ZC3H6: variants seen among roughly 807,000 people sequenced by gnomAD.
The protein encoded by ZC3H6 is zinc finger CCCH-type containing 6, also known as zinc finger CCCH domain-containing protein 6.
Under a neutral mutation model 107.7 loss-of-function variants are expected in ZC3H6, and 40 were observed. That is an observed-to-expected ratio of 0.37 (90% CI 0.29 to 0.48). The LOEUF (loss-of-function observed/expected upper bound fraction) is 0.48, where lower values mean the gene tolerates loss of function less well. Among genes scored for constraint, ZC3H6 ranks in the 20% least tolerant of loss-of-function variants. The probability of loss-of-function intolerance (pLI) is 0.98; values close to 1 mark genes in which losing one functional copy is unlikely to be tolerated. For synonymous variants in ZC3H6, 493 were observed against 487.9 expected, an observed-to-expected ratio of 1.01 and a Z score of -0.14; for missense variants, 1,267 against 1,410.4, an observed-to-expected ratio of 0.90 and a Z score of 1.63.
At chr2:112,282,007 CAG>C (rs772244032) in intron 1 of ZC3H6, among the ~76,000 whole-genome samples, 1 of 152,126 alleles carries the variant, frequency 6.6e-6, no homozygotes, top group Non-Finnish European at 1.5e-5. Context: ...TTTTGCCTGA[CAG>C]AATATCTTAA....
chr2:112,304,639 G>C (rs979347572), intron 3 of ZC3H6, among the ~76,000 whole-genome samples: 2 of 152,014 alleles, frequency 1.3e-5, no homozygotes, highest in South Asian at 2.1e-4. Flanking sequence ...CTCTTTAAAG[G>C]CCCTATCTCC....
At chr2:112,298,666 G>A (rs1485590505) in intron 1 of ZC3H6, among the ~76,000 whole-genome samples, 1 of 152,164 alleles carries the variant, frequency 6.6e-6, no homozygotes, top group Non-Finnish European at 1.5e-5. Context: ...AGCTCTATGT[G>A]AATTATTTAT....
rs1676806127 is a variant in ZC3H6 at position 112,321,799 on chromosome 2, C to T, written c.1020C>T (p.Tyr340=). Residue 340 remains tyrosine, a synonymous_variant, in exon 8 of 12, where the codon TAC becomes TAT. Coordinates refer to ENST00000409871, the MANE Select transcript of ZC3H6 (RefSeq NM_198581.3). ...TCTATCATAGTGGAGCAAAATGTTA[C>T]CAGGGAGACAACTGTAAATTTTCCC... ...CKFYHSGAKC[Y]QGDNCKFSHD... 1.3e-6 allele frequency: 2 copies of T among 1,548,902 alleles called. No homozygotes were observed. The highest frequency in any genetic ancestry group is 8.7e-7 in the Non-Finnish European group (1 of 1,146,478).
At chr2:112,276,271 C>A (rs961265977) in intron 1 of ZC3H6, among the ~76,000 whole-genome samples, 1 of 149,020 alleles carries the variant, frequency 6.7e-6, no homozygotes, top group African/African-American at 2.4e-5. Flanking sequence ...CGGCCGGGCA[C>A]GTGCGAGCCC....
intron 11 of ZC3H6, among the ~76,000 whole-genome samples, chr2:112,326,872 C>CA (rs1380189817): frequency 6.6e-6 from 1 of 152,126 alleles, no homozygotes. Flanking sequence ...CTCGGCCTCC[C>CA]AAAGTGCTGG....
chr2:112,287,495 T>A (rs1202165073), intron 1 of ZC3H6, among the ~76,000 whole-genome samples: 1 of 152,242 alleles, frequency 6.6e-6, no homozygotes, highest in Non-Finnish European at 1.5e-5. Flanking sequence ...ATTTAAAAAT[T>A]CTTAATTTTC....
At chr2:112,317,494 G>A (rs1239888600) in intron 7 of ZC3H6, among the ~76,000 whole-genome samples, 162 bp downstream of exon 7, 1 of 152,070 alleles carries the variant, frequency 6.6e-6, no homozygotes, top group Non-Finnish European at 1.5e-5. Context: ...TACTTCAAAA[G>A]AGCAAACTGA....
chr2:112,332,674 T>G lies in ZC3H6; in HGVS notation c.*186T>G. The G allele has an allele frequency of 2.1e-6, 1 of 472,326 alleles. No individual in the cohort carries two copies. The highest frequency in any genetic ancestry group is 3.6e-5 in the East Asian group (1 of 27,994). 29.3% of individuals were successfully genotyped at this position (472,326 alleles called of 1,614,324 possible). A position where few individuals can be genotyped will look rare whatever the true frequency, so the allele number is the denominator to read the frequency against. On this transcript the variant is annotated 3_prime_UTR_variant, in exon 12 of 12. Transcript: ENST00000409871. ...GTATTTTATATAATATTTTTATAACTTTAAGAGACTGTAGTAATTGACCTA... is the reference window on the plus strand; with the variant it reads ...GTATTTTATATAATATTTTTATAACGTTAAGAGACTGTAGTAATTGACCTA...
chr2:112,298,004 A>G (rs1262325679), intron 1 of ZC3H6, among the ~76,000 whole-genome samples: 5 of 152,032 alleles, frequency 3.3e-5, no homozygotes, highest in Non-Finnish European at 5.9e-5. Flanking sequence ...AATCCCAGCT[A>G]CTCGGAGGCT....
intron 1 of ZC3H6, 140 bp downstream of exon 1, chr2:112,276,166 T>G (rs891052810): frequency 1.7e-6 from 1 of 600,494 alleles, no homozygotes; most frequent in Non-Finnish European, 2.6e-6. Flanking sequence ...CGCACTCTTA[T>G]GTAAACTGCT....
intron 7 of ZC3H6, among the ~76,000 whole-genome samples, chr2:112,319,109 CT>C (rs1376380657): frequency 6.6e-6 from 1 of 152,086 alleles, no homozygotes; most frequent in Non-Finnish European, 1.5e-5. Flanking sequence ...TAAAAACATA[CT>C]TTTTTAAAAG....
At position 112,331,105 on chromosome 2, in the gene ZC3H6, T is replaced by G; in HGVS notation, c.2187T>G (p.Asn729Lys). Residue 729 changes from asparagine to lysine, a missense_variant, in exon 12 of 12, where the codon AAT (asparagine) becomes AAG (lysine). Around this residue, in one of 3 missense-constraint regions of ZC3H6, gnomAD observed 925 missense variants for 1,025.7 expected, o/e 0.90. Coordinates refer to ENST00000409871, the MANE Select transcript of ZC3H6 (RefSeq NM_198581.3). Reference sequence around the variant, plus strand: ...AGAAACAAACAGAAACTTTAAGGAATCAGCAACAACCTTCCACAGAACTCA... The same window carrying G: ...AGAAACAAACAGAAACTTTAAGGAAGCAGCAACAACCTTCCACAGAACTCA... Reference protein sequence around the residue: ...TLQKQTETLRNQQQPSTELST... With the variant: ...TLQKQTETLRKQQQPSTELST... The G allele has an allele frequency of 1.9e-6, 3 of 1,612,154 alleles. No individual in the cohort carries two copies. The highest frequency in any genetic ancestry group is 2.5e-6 in the Non-Finnish European group (3 of 1,179,142).
intron 1 of ZC3H6, among the ~76,000 whole-genome samples, chr2:112,291,955 C>T (rs1398099173): frequency 6.6e-6 from 1 of 152,112 alleles, no homozygotes; most frequent in Non-Finnish European, 1.5e-5. Flanking sequence ...TGACCTGAAG[C>T]GATCTGCCTG....
intron 1 of ZC3H6, among the ~76,000 whole-genome samples, chr2:112,287,526 C>G (rs956845879): frequency 4.7e-5 from 7 of 150,456 alleles, no homozygotes; most frequent in Admixed American, 4.0e-4. Flanking sequence ...TTCAGCACTA[C>G]TTCCATCTTG....
At chr2:112,301,656 T>C (rs969062346) in intron 2 of ZC3H6, among the ~76,000 whole-genome samples, 1 of 151,978 alleles carries the variant, frequency 6.6e-6, no homozygotes. Flanking sequence ...ATATGAAAAA[T>C]TTAACCTAAT....
chr2:112,299,341 A>T (rs1018201997), intron 1 of ZC3H6, among the ~76,000 whole-genome samples: 1 of 151,954 alleles, frequency 6.6e-6, no homozygotes, highest in Non-Finnish European at 1.5e-5. Flanking sequence ...CACCAACTGG[A>T]TCCTAGATCC....
Position 112,337,903 on chromosome 2 carries a change from T to C in ZC3H6, c.*5415T>C, listed in dbSNP as rs2104732827. The C allele has an allele frequency of 6.6e-6, 1 of 152,398 alleles. No individual in the cohort carries two copies. The highest frequency in any genetic ancestry group is 2.4e-5 in the African/African-American group (1 of 41,584). 9.4% of individuals were successfully genotyped at this position (152,398 alleles called of 1,614,324 possible). On this transcript the variant is annotated 3_prime_UTR_variant, in exon 12 of 12. Coordinates refer to ENST00000409871, the MANE Select transcript of ZC3H6 (RefSeq NM_198581.3). Reference sequence around the variant, plus strand: ...TCTCAAAGTGCTGGGATCACAGGCATGAGCCACCACGCCTGGCCCAGTCTT... The same window carrying C: ...TCTCAAAGTGCTGGGATCACAGGCACGAGCCACCACGCCTGGCCCAGTCTT...
chr2:112,326,564 G>A (rs760746560), intron 11 of ZC3H6, among the ~76,000 whole-genome samples: 4 of 152,104 alleles, frequency 2.6e-5, no homozygotes, highest in Non-Finnish European at 4.4e-5. Context: ...TGGCTGAATA[G>A]TACTCCATTG....
At chr2:112,277,785 T>C (rs1686453240) in intron 1 of ZC3H6, among the ~76,000 whole-genome samples, 1 of 152,150 alleles carries the variant, frequency 6.6e-6, no homozygotes, top group African/African-American at 2.4e-5. Flanking sequence ...AGATGGTTTT[T>C]TTTTTTCATG....
Sources: gnomAD v4.1 joint callset for allele counts (sites outside exome capture counted in the v4.1 genomes callset) on GRCh38, gnomAD v4.1.1 for gene constraint, gnomAD v4.1.1 regional missense constraint, MANE v1.5 for transcripts, NCBI Gene and HGNC (gene_info 2026-07-23, HGNC 2026-07-21) for gene names.